TMEFF2: variants seen among roughly 807,000 people sequenced by gnomAD.
TMEFF2 encodes the protein tomoregulin-2.
In TMEFF2, 28 loss-of-function variants were observed where a neutral mutation model predicts 53.8. The observed-to-expected ratio is 0.52, with a 90% confidence interval of 0.39 to 0.71. TMEFF2 has a LOEUF of 0.71. Among genes scored for constraint, TMEFF2 ranks in the 30% least tolerant of loss-of-function variants. The pLI is 0.00. For synonymous variants in TMEFF2, 162 were observed against 166.3 expected, an observed-to-expected ratio of 0.97 and a Z score of 0.20; for missense variants, 353 against 455.2, an observed-to-expected ratio of 0.78 and a Z score of 2.04.
intron 2 of TMEFF2, among the ~76,000 whole-genome samples, chr2:192,186,438 G>C (rs1046534314): frequency 1.3e-5 from 2 of 152,180 alleles, no homozygotes; most frequent in Non-Finnish European, 2.9e-5. Context: ...CAAGTGCAGG[G>C]ATAGGTGCTT....
chr2:191,969,754 T>G (rs537610920), intron 7 of TMEFF2, among the ~76,000 whole-genome samples: 1 of 152,052 alleles, frequency 6.6e-6, no homozygotes, highest in Admixed American at 6.5e-5. Context: ...GCAATTCTCA[T>G]TGAAAGAGCC....
chr2:192,077,929 C>T lies in TMEFF2; in HGVS notation c.440-20154G>A, dbSNP rs904025950. ...AACTAAATCTGACTCCTTGCCACCC[C>T]CGTGTGTGAATTCTAGAAAATAAAC... On this transcript the variant is annotated intron_variant, in intron 4 of 9. Transcript: ENST00000272771. Among the ~76,000 whole-genome samples the T allele has an allele frequency of 3.5e-4, 53 of 152,106 alleles. 1 individual carries two copies. Among genetic ancestry groups the T allele is most frequent in the Middle Eastern group, 6.8e-3 (2 of 294 alleles).
intron 4 of TMEFF2, among the ~76,000 whole-genome samples, chr2:192,159,715 C>T (rs1047047573): frequency 6.6e-6 from 1 of 152,156 alleles, no homozygotes; most frequent in Non-Finnish European, 1.5e-5. Flanking sequence ...CAGTCTTCTT[C>T]CATCCCTTAA....
At chr2:192,188,074 G>T (rs1392917302) in intron 2 of TMEFF2, among the ~76,000 whole-genome samples, 1 of 152,078 alleles carries the variant, frequency 6.6e-6, no homozygotes, top group African/African-American at 2.4e-5. Context: ...TTGGGATATG[G>T]TATATTTTTC....
chr2:192,129,839 T>C (rs187542290), intron 4 of TMEFF2, among the ~76,000 whole-genome samples: 2 of 152,360 alleles, frequency 1.3e-5, no homozygotes, highest in East Asian at 1.9e-4. Context: ...TTATTTGTCA[T>C]GCCAAGTCTT....
intron 7 of TMEFF2, among the ~76,000 whole-genome samples, chr2:191,964,368 C>CTCTT (rs1692387422): frequency 1.5e-5 from 1 of 66,066 alleles, no homozygotes. Flanking sequence ...TTCTTTCTTT[C>CTCTT]TTTCTCTTTC....
chr2:191,956,474 A>G (rs756017259), intron 7 of TMEFF2, 96 bp from the exon 8 acceptor site: 84 of 1,353,842 alleles, frequency 6.2e-5, no homozygotes, highest in Non-Finnish European at 8.3e-5. Context: ...AGGCAAAGAT[A>G]TTTAAAAGGG....
chr2:192,151,003 A>T (rs1422386826), intron 4 of TMEFF2, among the ~76,000 whole-genome samples: 1 of 151,744 alleles, frequency 6.6e-6, no homozygotes. Context: ...GGGAGGTACC[A>T]TATGGGAGGT....
intron 5 of TMEFF2, among the ~76,000 whole-genome samples, chr2:192,008,988 C>G (rs1686565347): frequency 6.6e-6 from 1 of 152,202 alleles, no homozygotes; most frequent in African/African-American, 2.4e-5. Flanking sequence ...CAAATTACAG[C>G]TTTGCATTCT....
chr2:192,059,853 A>T (rs995491430), intron 4 of TMEFF2, among the ~76,000 whole-genome samples: 3 of 152,214 alleles, frequency 2.0e-5, no homozygotes, highest in Non-Finnish European at 4.4e-5. Context: ...TTGTGTGAAT[A>T]AAGTGCCTTT....
intron 4 of TMEFF2, among the ~76,000 whole-genome samples, chr2:192,173,418 A>G (rs1275336424): frequency 6.6e-6 from 1 of 151,836 alleles, no homozygotes; most frequent in African/African-American, 2.4e-5. Context: ...CAGAATTGTA[A>G]TAAAATCTTC....
intron 4 of TMEFF2, among the ~76,000 whole-genome samples, chr2:192,105,484 C>G (rs1199332353): frequency 1.3e-5 from 2 of 151,900 alleles, no homozygotes; most frequent in African/African-American, 2.4e-5. Context: ...CTCACAACCA[C>G]CCTTCGAAGA....
chr2:191,964,122 A>G (rs1301527475), intron 7 of TMEFF2, among the ~76,000 whole-genome samples: 1 of 151,962 alleles, frequency 6.6e-6, no homozygotes, highest in Non-Finnish European at 1.5e-5. Context: ...CTTATTTATC[A>G]TTTGTGTTTG....
At chr2:192,030,105 C>T (rs1302472800) in intron 5 of TMEFF2, among the ~76,000 whole-genome samples, 5 of 152,146 alleles carry the variant, frequency 3.3e-5, no homozygotes, top group Non-Finnish European at 7.4e-5. Flanking sequence ...CTGACTAAAC[C>T]ATGTTGAAGA....
At chr2:191,997,285 T>C in intron 7 of TMEFF2, among the ~76,000 whole-genome samples, 1 of 152,036 alleles carries the variant, frequency 6.6e-6, no homozygotes, top group East Asian at 1.9e-4. Flanking sequence ...GTTTAAAATA[T>C]AAATGTTTAA....
chr2:191,998,521 T>G (rs1351792947), intron 6 of TMEFF2, among the ~76,000 whole-genome samples, 200 bp from the exon 7 acceptor site: 1 of 151,920 alleles, frequency 6.6e-6, no homozygotes, highest in African/African-American at 2.4e-5. Flanking sequence ...GAAGAGAGCT[T>G]TCTAAAGTTT....
chr2:192,157,111 T>C (rs1690523831), intron 4 of TMEFF2, among the ~76,000 whole-genome samples: 1 of 152,070 alleles, frequency 6.6e-6, no homozygotes. Context: ...GGGAAATCAG[T>C]GTCAACTTTT....
intron 5 of TMEFF2, among the ~76,000 whole-genome samples, chr2:192,008,023 C>T (rs1400498125): frequency 1.3e-5 from 2 of 152,148 alleles, no homozygotes; most frequent in Admixed American, 6.5e-5. Context: ...GGGAGGGAGG[C>T]AGCTGTGTGT....
chr2:192,082,036 A>G (rs1051834608), intron 4 of TMEFF2, among the ~76,000 whole-genome samples: 4 of 152,008 alleles, frequency 2.6e-5, no homozygotes, highest in African/African-American at 7.2e-5. Flanking sequence ...TCCTGACCTC[A>G]TGATCCACCC....
Sources: allele counts gnomAD v4.1 joint callset (sites outside exome capture counted in the v4.1 genomes callset), GRCh38; gene constraint gnomAD v4.1.1; transcripts MANE v1.5; gene names NCBI Gene and HGNC (gene_info 2026-07-23, HGNC 2026-07-21).